Variants in GALNT13 observed in about 807,000 individuals in gnomAD.
The protein encoded by GALNT13 is UDP-GalNAc:polypeptide N-acetylgalactosaminyltransferase 13.
A neutral mutation model predicts 64.2 loss-of-function variants in GALNT13; 28 were observed. That is an observed-to-expected ratio of 0.44 (90% CI 0.32 to 0.60). The LOEUF is 0.60. Ranked by LOEUF, GALNT13 falls within the 20% of genes least tolerant of loss-of-function variation. GALNT13 has a pLI of 0.05. For missense variants in GALNT13, 577 were observed against 669.8 expected, an observed-to-expected ratio of 0.86 and a Z score of 1.53; for synonymous variants, 214 against 224.6, an observed-to-expected ratio of 0.95 and a Z score of 0.42.
chr2:153,228,251 T>C, the GALNT13 span, among the ~76,000 whole-genome samples: 1 of 152,184 alleles, frequency 6.6e-6, no homozygotes, highest in Non-Finnish European at 1.5e-5. Flanking sequence ...TGTAGTTCCA[T>C]GACTCATAAA....
At chr2:153,924,092 T>C (rs757798646) in intron 2 of GALNT13, among the ~76,000 whole-genome samples, 1 of 152,168 alleles carries the variant, frequency 6.6e-6, no homozygotes, top group Non-Finnish European at 1.5e-5. Flanking sequence ...ATGTGCAGGA[T>C]GTACAGGATT....
the GALNT13 span, among the ~76,000 whole-genome samples, chr2:153,189,881 T>G: frequency 6.6e-6 from 1 of 152,320 alleles, no homozygotes; most frequent in East Asian, 1.9e-4. Flanking sequence ...TTCATATATC[T>G]GTTGTCCATT....
At chr2:154,222,079 A>AT (rs150357669) in intron 4 of GALNT13, among the ~76,000 whole-genome samples, 5 of 151,882 alleles carry the variant, frequency 3.3e-5, no homozygotes, top group African/African-American at 1.2e-4. Flanking sequence ...TTTAAAAAAT[A>AT]TTTTTTTCTC....
intron 11 of GALNT13, among the ~76,000 whole-genome samples, chr2:154,427,544 A>T (rs1473547689): frequency 6.6e-6 from 1 of 152,198 alleles, no homozygotes; most frequent in African/African-American, 2.4e-5. Context: ...TAAGCATCAC[A>T]TTGTTATATA....
intron 3 of GALNT13, among the ~76,000 whole-genome samples, chr2:154,136,584 G>T (rs1682963516): frequency 6.6e-6 from 1 of 152,006 alleles, no homozygotes; most frequent in African/African-American, 2.4e-5. Flanking sequence ...TTTATAATAT[G>T]ATCATCTTCT....
At chr2:153,782,097 T>C in the GALNT13 span, among the ~76,000 whole-genome samples, 135,827 of 152,210 alleles carry the variant, frequency 0.89, 61,649 homozygotes, top group African/African-American at 0.97. Context: ...GAAGACCTAA[T>C]TCCTAGTACC....
At chr2:153,317,778 T>C in the GALNT13 span, among the ~76,000 whole-genome samples, 1,058 of 152,264 alleles carry the variant, frequency 6.9e-3, 15 homozygotes, top group African/African-American at 0.024. Context: ...TTATCTAATA[T>C]CAGAGACAAA....
the GALNT13 span, among the ~76,000 whole-genome samples, chr2:153,540,561 A>G: frequency 3.3e-5 from 5 of 152,182 alleles, no homozygotes; most frequent in African/African-American, 7.2e-5. Flanking sequence ...AGCTTGCACT[A>G]TGTACCTGGA....
the GALNT13 span, among the ~76,000 whole-genome samples, chr2:153,121,834 C>T: frequency 1.1e-4 from 17 of 152,242 alleles, no homozygotes; most frequent in East Asian, 1.5e-3. Context: ...GCATTTTTTA[C>T]GACACTGAAA....
the GALNT13 span, among the ~76,000 whole-genome samples, chr2:153,266,645 C>T: frequency 6.6e-6 from 1 of 152,056 alleles, no homozygotes; most frequent in African/African-American, 2.4e-5. Context: ...AGAACTCACT[C>T]ACTATCATGA....
At chr2:153,535,457 G>T in the GALNT13 span, among the ~76,000 whole-genome samples, 6 of 152,152 alleles carry the variant, frequency 3.9e-5, no homozygotes, top group Admixed American at 6.5e-5. Context: ...ACAAGAGCAG[G>T]GCATGTATGA....
the GALNT13 span, among the ~76,000 whole-genome samples, chr2:153,463,941 G>A: frequency 6.6e-6 from 1 of 152,060 alleles, no homozygotes; most frequent in Non-Finnish European, 1.5e-5. Flanking sequence ...CCTGGAAGAG[G>A]AAAGTTTCAG....
the GALNT13 span, among the ~76,000 whole-genome samples, chr2:153,296,121 A>C: frequency 1.3e-5 from 2 of 152,154 alleles, no homozygotes; most frequent in Non-Finnish European, 2.9e-5. Flanking sequence ...TTATCTCTGC[A>C]TTCAGTCTGC....
the GALNT13 span, among the ~76,000 whole-genome samples, chr2:153,331,276 G>T: frequency 6.7e-6 from 1 of 149,520 alleles, no homozygotes. Context: ...TCAGAGTAAT[G>T]CTCTAATAAT....
the GALNT13 span, among the ~76,000 whole-genome samples, chr2:153,256,680 C>A: frequency 6.6e-6 from 1 of 152,120 alleles, no homozygotes; most frequent in African/African-American, 2.4e-5. Context: ...TTCCTTCTAA[C>A]AGACATGCAG....
intron 2 of GALNT13, among the ~76,000 whole-genome samples, 176 bp downstream of exon 2, chr2:153,901,183 T>G (rs1688210364): frequency 6.6e-6 from 1 of 152,174 alleles, no homozygotes; most frequent in Non-Finnish European, 1.5e-5. Context: ...TCCATTGTTC[T>G]GTGTGTCTCT....
chr2:154,102,680 A>AAAATT (rs1293322600), intron 3 of GALNT13, among the ~76,000 whole-genome samples: 46 of 152,294 alleles, frequency 3.0e-4, no homozygotes, highest in Non-Finnish European at 5.4e-4. Context: ...TATTAAAATT[A>AAAATT]AAAAAGACTA....
chr2:153,261,071 G>C, the GALNT13 span, among the ~76,000 whole-genome samples: 1 of 151,774 alleles, frequency 6.6e-6, no homozygotes, highest in Admixed American at 6.6e-5. Context: ...TTATTTCTTT[G>C]TGAAATTTAT....
chr2:154,282,411 G>C (rs1038221289), intron 8 of GALNT13, among the ~76,000 whole-genome samples: 2 of 152,114 alleles, frequency 1.3e-5, no homozygotes, highest in Non-Finnish European at 2.9e-5. Context: ...AGTAGGAAAA[G>C]TTTTATTTAA....
Sources: allele counts gnomAD v4.1 joint callset (sites outside exome capture counted in the v4.1 genomes callset), GRCh38; gene constraint gnomAD v4.1.1; transcripts MANE v1.5; gene names NCBI Gene and HGNC (gene_info 2026-07-23, HGNC 2026-07-21).